TENM2: variants seen among roughly 807,000 people sequenced by gnomAD.
TENM2 encodes teneurin transmembrane protein 2, also known as teneurin-2.
A neutral mutation model predicts 245.2 loss-of-function variants in TENM2; 52 were observed. The ratio of observed to expected loss-of-function variants is 0.21; its 90% CI spans 0.17 to 0.27. The LOEUF (loss-of-function observed/expected upper bound fraction) is 0.27, where lower values mean the gene tolerates loss of function less well. Among genes scored for constraint, TENM2 ranks in the 10% least tolerant of loss-of-function variants. The pLI is 1.00. For synonymous variants in TENM2, 1,363 were observed against 1,438.9 expected (o/e 0.95, Z 1.19); for missense variants, 3,046 against 3,666.8 (o/e 0.83, Z 4.37).
chr5:167,456,887 C>CTGCA (rs1333587989), intron 2 of TENM2, among the ~76,000 whole-genome samples: 4 of 152,140 alleles, frequency 2.6e-5, no homozygotes, highest in Non-Finnish European at 5.9e-5. Context: ...ATAAGTCATG[C>CTGCA]TGCAGCTCCG....
intron 2 of TENM2, among the ~76,000 whole-genome samples, chr5:167,843,426 G>A (rs766902518): frequency 7.2e-5 from 11 of 152,132 alleles, no homozygotes; most frequent in Non-Finnish European, 1.3e-4. Flanking sequence ...CATTTTGAGA[G>A]CTTAGCACAA....
At chr5:167,901,477 G>GTCTA (rs1755490574) in intron 3 of TENM2, among the ~76,000 whole-genome samples, 3 of 152,182 alleles carry the variant, frequency 2.0e-5, no homozygotes, top group Non-Finnish European at 4.4e-5. Flanking sequence ...TGACACTGTG[G>GTCTA]TCTAGAGTTT....
At chr5:167,924,264 G>C (rs1025128364) in intron 3 of TENM2, among the ~76,000 whole-genome samples, 7 of 152,176 alleles carry the variant, frequency 4.6e-5, no homozygotes, top group African/African-American at 1.7e-4. Flanking sequence ...CAGATGACAC[G>C]CAAAGTGCTC....
At chr5:167,891,716 T>C (rs536558938) in intron 3 of TENM2, among the ~76,000 whole-genome samples, 23 of 152,314 alleles carry the variant, frequency 1.5e-4, no homozygotes, top group Middle Eastern at 3.4e-3. Flanking sequence ...TCAGCATATT[T>C]TGATTAAACA....
At chr5:167,098,427 C>G in the TENM2 span, among the ~76,000 whole-genome samples, 51 of 152,148 alleles carry the variant, frequency 3.4e-4, 3 homozygotes, top group Non-Finnish European at 1.5e-5. Flanking sequence ...TACAACAAAC[C>G]TTGAAGCTTG....
chr5:167,221,733 A>C, the TENM2 span, among the ~76,000 whole-genome samples: 2 of 152,222 alleles, frequency 1.3e-5, no homozygotes, highest in African/African-American at 4.8e-5. Flanking sequence ...AAGGCCATGC[A>C]ACCAGTGAGG....
At chr5:167,203,810 C>T in the TENM2 span, among the ~76,000 whole-genome samples, 2 of 151,070 alleles carry the variant, frequency 1.3e-5, no homozygotes, top group Admixed American at 1.3e-4. Context: ...TAAAAAGTTG[C>T]CTCTATTGAA....
chr5:168,243,048 G>A (rs1766247790), intron 25 of TENM2, among the ~76,000 whole-genome samples: 1 of 152,094 alleles, frequency 6.6e-6, no homozygotes. Context: ...AGGGTAAAGT[G>A]AGGAGGTACC....
At chr5:168,177,744 G>A (rs1319169771) in intron 13 of TENM2, among the ~76,000 whole-genome samples, 1 of 152,228 alleles carries the variant, frequency 6.6e-6, no homozygotes, top group African/African-American at 2.4e-5. Context: ...GGCTGAAGCA[G>A]GAGGATCTCT....
intron 2 of TENM2, among the ~76,000 whole-genome samples, chr5:167,815,224 G>A (rs1766951861): frequency 6.6e-6 from 1 of 152,124 alleles, no homozygotes; most frequent in African/African-American, 2.4e-5. Flanking sequence ...TTCAGGAGAT[G>A]TGCCTTTCAG....
the TENM2 span, among the ~76,000 whole-genome samples, chr5:167,263,977 C>T: frequency 9.9e-5 from 15 of 151,330 alleles, no homozygotes; most frequent in Non-Finnish European, 1.5e-4. Context: ...TAGTGGCAGG[C>T]GCCTGTAATC....
At position 168,257,757 on chromosome 5, in the gene TENM2, A is replaced by T. The variant is rs551566648; in HGVS notation, c.7433-2526A>T. Among the ~76,000 whole-genome samples, 17 of 152,180 alleles carry T rather than the reference A, an allele frequency of 1.1e-4. 1 individual carries two copies. The South Asian group carries it at 3.5e-3, about 32-fold the overall frequency. ...CAGCCTCCCAGGTAGCTGGGATTAC[A>T]GGCACCCGCCACCACGCCCAGCTAA... On this transcript the variant is annotated intron_variant, in intron 27 of 28. Transcript: ENST00000518659.
At chr5:167,540,810 A>G (rs1229776509) in intron 2 of TENM2, among the ~76,000 whole-genome samples, 3 of 152,204 alleles carry the variant, frequency 2.0e-5, no homozygotes, top group Admixed American at 6.5e-5. Context: ...TCATAGATCT[A>G]TAGAAACTGA....
At chr5:167,037,984 C>T in the TENM2 span, among the ~76,000 whole-genome samples, 3 of 152,264 alleles carry the variant, frequency 2.0e-5, no homozygotes, top group South Asian at 2.1e-4. Flanking sequence ...CTGAAGGAAA[C>T]GATGTGCTTT....
At chr5:167,861,673 A>T (rs978499941) in intron 2 of TENM2, among the ~76,000 whole-genome samples, 1 of 152,202 alleles carries the variant, frequency 6.6e-6, no homozygotes, top group African/African-American at 2.4e-5. Context: ...TTTCCAGCTC[A>T]ACACTGTAAT....
intron 23 of TENM2, among the ~76,000 whole-genome samples, chr5:168,224,219 C>G (rs150462098): frequency 2.0e-3 from 297 of 152,286 alleles, no homozygotes; most frequent in African/African-American, 6.8e-3. Context: ...ACCTAAGTCC[C>G]CATCCCTGAT....
At chr5:167,084,366 T>TATATATATATATATATATACAC in the TENM2 span, among the ~76,000 whole-genome samples, 28 of 114,878 alleles carry the variant, frequency 2.4e-4, no homozygotes, top group Non-Finnish European at 4.8e-4. Context: ...TATATATATA[T>TATATATATATATATATATACAC]ACAGATCAGA....
the TENM2 span, among the ~76,000 whole-genome samples, chr5:167,202,411 G>A: frequency 6.6e-6 from 1 of 151,940 alleles, no homozygotes; most frequent in South Asian, 2.1e-4. Context: ...CCTTCTTCAG[G>A]ATTCATTCTT....
At chr5:168,013,617 A>AAAAC (rs1326952139) in intron 5 of TENM2, among the ~76,000 whole-genome samples, 1 of 151,934 alleles carries the variant, frequency 6.6e-6, no homozygotes, top group African/African-American at 2.4e-5. Flanking sequence ...AAAACAAAAC[A>AAAAC]AAACAAAACA....
Sources: allele counts gnomAD v4.1 joint callset (sites outside exome capture counted in the v4.1 genomes callset), GRCh38; gene constraint gnomAD v4.1.1; transcripts MANE v1.5; gene names NCBI Gene and HGNC (gene_info 2026-07-23, HGNC 2026-07-21).